The following CFTR variants were observed in gnomAD, a reference collection of about 807,000 sequenced individuals.
CFTR encodes cystic fibrosis transmembrane conductance regulator.
Under a neutral mutation model 171.6 loss-of-function variants are expected in CFTR, and 181 were observed. The observed-to-expected ratio is 1.05, with a 90% CI of 0.93 to 1.19. CFTR has a LOEUF of 1.19. Ranked by LOEUF, CFTR falls within the 50% of genes most tolerant of loss-of-function variation. CFTR has a pLI of 0.00. For synonymous variants in CFTR, 583 were observed against 608.0 expected, an observed-to-expected ratio of 0.96 and a Z score of 0.60; for missense variants, 1,968 against 1,734.7, an observed-to-expected ratio of 1.13 and a Z score of -2.39.
intron 1 of CFTR, among the ~76,000 whole-genome samples, chr7:117,489,092 T>A (rs533757888): frequency 6.6e-6 from 1 of 152,074 alleles, no homozygotes; most frequent in Non-Finnish European, 1.5e-5. Context: ...TAGTCTGAAG[T>A]TTGTCTGACA....
chr7:117,549,427 A>G (rs1293514549), intron 10 of CFTR, among the ~76,000 whole-genome samples: 1 of 152,212 alleles, frequency 6.6e-6, no homozygotes, highest in Non-Finnish European at 1.5e-5. Context: ...ATAGTAGATT[A>G]GAAAGAAAAA....
intron 22 of CFTR, among the ~76,000 whole-genome samples, chr7:117,637,106 C>T (rs184593302): frequency 9.3e-4 from 142 of 152,258 alleles, no homozygotes; most frequent in African/African-American, 3.4e-3. Flanking sequence ...TGTGAGCCAC[C>T]ATGCCCTGCC....
At chr7:117,482,262 T>C (rs551699058) in intron 1 of CFTR, among the ~76,000 whole-genome samples, 1 of 152,294 alleles carries the variant, frequency 6.6e-6, no homozygotes, top group African/African-American at 2.4e-5. Flanking sequence ...ACTTTCTGAA[T>C]AGGATCCCTT....
At position 117,642,588 on chromosome 7, in the gene CFTR, C is replaced by A. The variant is rs397508619; in HGVS notation, c.3868C>A (p.Pro1290Thr). The A allele has an allele frequency of 8.1e-6, 13 of 1,613,132 alleles. No homozygotes were observed. The highest frequency in any genetic ancestry group is 3.3e-5 in the Admixed American group (2 of 59,894). ...GTGGAGGAAAGCCTTTGGAGTGATA[C>A]CACAGGTGAGCAAAAGGACTTAGCC... Reference protein sequence around the residue: ...QQWRKAFGVIPQKVFIFSGTF... With the variant: ...QQWRKAFGVITQKVFIFSGTF... Residue 1290 changes from proline to threonine, a missense_variant, in exon 23 of 27, where the codon CCA becomes ACA. Transcript: ENST00000003084.
At chr7:117,489,153 A>G (rs138833120) in intron 1 of CFTR, among the ~76,000 whole-genome samples, 297 of 152,224 alleles carry the variant, frequency 2.0e-3, no homozygotes, top group African/African-American at 5.3e-3. Flanking sequence ...GCACTTTATT[A>G]TGCCTTGAAA....
intron 1 of CFTR, 49 bp downstream of exon 1, chr7:117,480,196 A>G (rs1270693890): frequency 1.3e-6 from 2 of 1,573,980 alleles, no homozygotes. Flanking sequence ...CCCACGAAAG[A>G]GGAGGGCGTG....
At position 117,590,394 on chromosome 7, in the gene CFTR, C is replaced by T; in HGVS notation, c.1721C>T (p.Pro574Leu). 1 of 1,603,208 alleles carries T rather than the reference C, an allele frequency of 6.2e-7. No individual in the cohort carries two copies. The highest frequency in any genetic ancestry group is 8.5e-7 in the Non-Finnish European group (1 of 1,172,316). The change falls in exon 13 of 27, where the codon CCT (proline) becomes CTT (leucine). Residue 574 changes from proline to leucine, a missense_variant. Transcript: ENST00000003084. ...GCTGATTTGTATTTATTAGACTCTC[C>T]TTTTGGATACCTAGATGTTTTAACA... ...KDADLYLLDS[P>L]FGYLDVLTEK... is the part of the protein sequence containing the mutation.
chr7:117,548,746 C>A lies in CFTR; in HGVS notation c.1315C>A (p.Pro439Thr), dbSNP rs397508187. The change falls in exon 10 of 27, where the codon CCT becomes ACT. Residue 439 changes from proline to threonine, a missense_variant. Transcript: ENST00000003084. The stretch of plus-strand genomic sequence containing the variant: ...CAGTAATTTCTCACTTCTTGGTACT[C>A]CTGTCCTGAAAGATATTAATTTCAA... ...FFSNFSLLGT[P>T]VLKDINFKIE... The A allele has an allele frequency of 1.2e-6, 2 of 1,612,908 alleles. No individual in the cohort carries two copies. The highest frequency in any genetic ancestry group is 8.5e-7 in the Non-Finnish European group (1 of 1,179,348).
intron 10 of CFTR, among the ~76,000 whole-genome samples, chr7:117,556,946 T>C (rs1799371319): frequency 6.6e-6 from 1 of 152,160 alleles, no homozygotes; most frequent in Non-Finnish European, 1.5e-5. Context: ...GTTTAACTGT[T>C]CTGTTGTATT....
At chr7:117,562,105 A>G (rs1791512884) in intron 11 of CFTR, among the ~76,000 whole-genome samples, 1 of 152,206 alleles carries the variant, frequency 6.6e-6, no homozygotes, top group African/African-American at 2.4e-5. Flanking sequence ...CAAAGTAGCC[A>G]TTCAGTAGAG....
intron 21 of CFTR, among the ~76,000 whole-genome samples, chr7:117,616,932 C>A (rs1354391392): frequency 1.3e-5 from 2 of 152,044 alleles, no homozygotes; most frequent in Non-Finnish European, 2.9e-5. Context: ...CATTGCTAAA[C>A]TTATACAGTA....
chr7:117,592,453 G>T lies in CFTR; in HGVS notation c.2286G>T (p.Gln762His), dbSNP rs397508361. 6.3e-7 allele frequency: 1 copy of T among 1,590,674 alleles called. No individual in the cohort carries two copies. ...TGATCAGCACTGGCCCCACGCTTCA[G>T]GCACGAAGGAGGCAGTCTGTCCTGA... ...ISVISTGPTL[Q>H]ARRRQSVLNL... is the part of the protein sequence containing the mutation. Residue 762 changes from glutamine (Q) to histidine (H), a missense_variant, in exon 14 of 27, where the codon CAG becomes CAT. Physicochemically the swap from Gln to His is conservative, Grantham distance 24. Transcript: ENST00000003084.
chr7:117,502,051 G>A (rs149469174), intron 1 of CFTR, among the ~76,000 whole-genome samples: 1 of 152,298 alleles, frequency 6.6e-6, no homozygotes, highest in African/African-American at 2.4e-5. Flanking sequence ...AATGCCGTAA[G>A]TCAGTTTTTG....
rs370653287 is a variant in CFTR at position 117,542,136 on chromosome 7, C to T, written c.1209+28C>T. 257 of 1,032,066 alleles carry T rather than the reference C, an allele frequency of 2.5e-4. 1 individual carries two copies. The highest frequency in any genetic ancestry group is 2.8e-4 in the Non-Finnish European group (185 of 649,680). 63.9% of individuals were successfully genotyped at this position (1,032,066 alleles called of 1,614,324 possible). On this transcript the variant is annotated intron_variant, in intron 9 of 26. Transcript: ENST00000003084. ...CAGAATTTTTAAAAAATTGTTTGCT[C>T]TAAACACCTAACTGTTTTCTTCTTT...
intron 11 of CFTR, among the ~76,000 whole-genome samples, chr7:117,562,188 C>T (rs947264764): frequency 2.0e-5 from 3 of 152,096 alleles, no homozygotes; most frequent in African/African-American, 7.2e-5. Flanking sequence ...GATAGTATTT[C>T]TTCTACTTAT....
At chr7:117,586,071 A>G (rs1791929162) in intron 11 of CFTR, 1 of 152,218 alleles carries the variant, frequency 6.6e-6, no homozygotes, top group Admixed American at 6.5e-5. Flanking sequence ...CTAAAGGAGC[A>G]CTTGCATGAA....
At chr7:117,648,682 T>G (rs994706225) in intron 23 of CFTR, among the ~76,000 whole-genome samples, 3 of 152,152 alleles carry the variant, frequency 2.0e-5, no homozygotes, top group Non-Finnish European at 2.9e-5. Flanking sequence ...CTTGACTGTT[T>G]CATTTGTAAA....
At chr7:117,505,964 A>G (rs2116637209) in intron 2 of CFTR, among the ~76,000 whole-genome samples, 1 of 152,272 alleles carries the variant, frequency 6.6e-6, no homozygotes, top group South Asian at 2.1e-4. Flanking sequence ...GTGTGTGCAA[A>G]TGCCATGAGG....
At chr7:117,615,914 A>G (rs1400786770) in intron 21 of CFTR, among the ~76,000 whole-genome samples, 1 of 151,992 alleles carries the variant, frequency 6.6e-6, no homozygotes, top group African/African-American at 2.4e-5. Flanking sequence ...TGGTTTAGAA[A>G]CCCAAGTTAG....
Sources: allele counts gnomAD v4.1 joint callset (sites outside exome capture counted in the v4.1 genomes callset), GRCh38; gene constraint gnomAD v4.1.1; transcripts MANE v1.5; gene names NCBI Gene and HGNC (gene_info 2026-07-23, HGNC 2026-07-21).